Variants in GPR162 observed in about 807,000 individuals in gnomAD.
GPR162 encodes probable G protein-coupled receptor 162.
A neutral mutation model predicts 44.9 loss-of-function variants in GPR162; 26 were observed. The observed-to-expected ratio is 0.58, with a 90% CI of 0.42 to 0.80. The LOEUF is 0.80. Among genes scored for constraint, GPR162 ranks in the 30% least tolerant of loss-of-function variants. GPR162 has a pLI of 0.00. For synonymous variants in GPR162, 363 were observed against 335.2 expected (o/e 1.08, Z -0.91); for missense variants, 704 against 802.3 (o/e 0.88, Z 1.48).
rs1943328761 is a variant in GPR162 at position 6,824,671 on chromosome 12, A to G, written c.773A>G (p.Asp258Gly). Residue 258 changes from aspartate (D) to glycine (G), a missense_variant, in exon 2 of 5, where the codon GAT becomes GGT. Physicochemically the swap from Asp to Gly is moderately conservative, Grantham distance 94 (BLOSUM62 -1). This residue lies in a region of GPR162 where 92 missense variants were observed against 156.5 expected (regional missense o/e 0.59). Transcript: ENST00000311268. ...DARGKRRSSLDGSESAKTSLQ... is the reference protein window; with the variant it reads ...DARGKRRSSLGGSESAKTSLQ... The stretch of plus-strand genomic sequence containing the variant: ...CGAGGGAAGCGGCGGTCCTCGCTGG[A>G]TGGCTCGGAGTCTGCCAAGACATCC... 6.2e-7 allele frequency: 1 copy of G among 1,614,034 alleles called. No homozygotes were observed. Among genetic ancestry groups the G allele is most frequent in the Non-Finnish European group, 8.5e-7 (1 of 1,179,986 alleles).
chr12:6,826,146 C>A, intron 3 of GPR162, 50 bp from the exon 4 acceptor site: 1 of 1,483,948 alleles, frequency 6.7e-7, no homozygotes, highest in Non-Finnish European at 9.3e-7. Flanking sequence ...GGTGGGAGGC[C>A]GCGGTAGGCA....
Position 6,823,885 on chromosome 12 carries a change from G to A in GPR162, c.-14G>A, listed in dbSNP as rs1555119548. 1 of 1,575,106 alleles carries A rather than the reference G, an allele frequency of 6.3e-7. No individual in the cohort carries two copies. Among genetic ancestry groups the A allele is most frequent in the Non-Finnish European group, 8.6e-7 (1 of 1,157,112 alleles). On this transcript the variant is annotated 5_prime_UTR_variant, in exon 2 of 5. Transcript: ENST00000311268. ...CCCCCACAGAGCTCAAGGGGGTGGG[G>A]GGCTGAGGATAGGATGGCTCGGGGC...
Position 6,824,051 on chromosome 12 carries a change from G to A in GPR162, c.153G>A (p.Leu51=). The change falls in exon 2 of 5, where the codon CTG becomes CTA. Residue 51 remains leucine, a synonymous_variant. Transcript: ENST00000311268. ...KQQKHKPLEL[L]LCFLAGTHIL... ...AGAAGCACAAGCCACTGGAGCTGCT[G>A]CTCTGCTTCCTAGCGGGCACACACA... is the stretch of plus-strand genomic sequence containing the variant. 6.2e-7 allele frequency: 1 copy of A among 1,613,108 alleles called. No individual in the cohort carries two copies. Among genetic ancestry groups the A allele is most frequent in the Non-Finnish European group, 8.5e-7 (1 of 1,179,830 alleles).
chr12:6,825,414 A>G, intron 2 of GPR162, 70 bp from the exon 3 acceptor site: 1 of 915,874 alleles, frequency 1.1e-6, no homozygotes. Context: ...CACCAGCTGC[A>G]CTAGGATATG....
At chr12:6,826,480 G>C in intron 4 of GPR162, 127 bp downstream of exon 4, 1 of 1,119,248 alleles carries the variant, frequency 8.9e-7, no homozygotes, top group Non-Finnish European at 1.3e-6. Flanking sequence ...CTGGGTGAAA[G>C]AAAGCTATAG....
In GPR162 at chr12:6,822,010, C is replaced by A. The variant is rs1283232982; in HGVS notation, c.-432+110C>A. On this transcript the variant is annotated intron_variant, in intron 1 of 4. Coordinates refer to ENST00000311268, the MANE Select transcript of GPR162 (RefSeq NM_019858.2). The surrounding 1 kb of genome is among the most constrained non-coding windows in gnomAD (Gnocchi z 4.2). ...CTCCCCAGCCACCTGCTGTTTCTGC[C>A]CTGGAGAACCTGGAGGGGGACAGGA... 6.6e-6 allele frequency: 1 copy of A among 152,530 alleles called. No homozygotes were observed. Among genetic ancestry groups the A allele is most frequent in the Non-Finnish European group, 1.5e-5 (1 of 68,250 alleles). The allele number at this position is 152,530 out of a possible 1,614,324, so 9.4% of individuals were successfully genotyped here. A position where few individuals can be genotyped will look rare whatever the true frequency, so the allele number is the denominator to read the frequency against.
intron 3 of GPR162, among the ~76,000 whole-genome samples, chr12:6,825,979 G>C (rs1943349124): frequency 6.6e-6 from 1 of 152,138 alleles, no homozygotes; most frequent in Non-Finnish European, 1.5e-5. Flanking sequence ...TCTTGGGGGA[G>C]TGCAGGCAAT....
rs138578985 is a variant in GPR162, at chr12:6,826,830, G to C, written c.1393G>C (p.Glu465Gln). The C allele has an allele frequency of 1.2e-6, 2 of 1,605,128 alleles. No individual in the cohort carries two copies. The highest frequency in any genetic ancestry group is 1.3e-5 in the African/African-American group (1 of 74,288). The change falls in exon 5 of 5, where the codon GAG (glutamate) becomes CAG (glutamine). Residue 465 changes from glutamate (E) to glutamine (Q), a missense_variant. Physicochemically the swap from Glu to Gln is conservative, Grantham distance 29. Coordinates refer to ENST00000311268, the MANE Select transcript of GPR162 (RefSeq NM_019858.2). ...YLGQRHRLEDEEDEEEAEGGG... is the reference protein window; with the variant it reads ...YLGQRHRLEDQEDEEEAEGGG... ...GGGACAAAGACACAGGTTGGAGGAC[G>C]AGGAGGACGAGGAAGAGGCTGAAGG...
In GPR162 at chr12:6,826,812, A is replaced by G. The variant is rs11612427; in HGVS notation, c.1375A>G (p.Arg459Gly). 0.27 allele frequency: 427,440 copies of G among 1,609,440 alleles called. 63,658 individuals carry two copies. The highest frequency in any genetic ancestry group is 0.31 in the Non-Finnish European group (359,229 of 1,177,612). Reference sequence around the variant, plus strand: ...GGGTCCTCCTGAGTACCTGGGACAAAGACACAGGTTGGAGGACGAGGAGGA... The same window carrying G: ...GGGTCCTCCTGAGTACCTGGGACAAGGACACAGGTTGGAGGACGAGGAGGA... ...LGGPPEYLGQ[R>G]HRLEDEEDEE... The change falls in exon 5 of 5, where the codon AGA becomes GGA. Residue 459 changes from arginine (R) to glycine (G), a missense_variant. By Grantham distance (125) the Arg-to-Gly change is moderately radical (BLOSUM62 -2). Transcript: ENST00000311268.
rs1943309249 is a variant in GPR162 at position 6,823,474 on chromosome 12, C to T, written c.-425C>T. On this transcript the variant is annotated 5_prime_UTR_variant, in exon 2 of 5. Coordinates refer to ENST00000311268, the MANE Select transcript of GPR162 (RefSeq NM_019858.2). ...TCTCATCTTTCCCTTGCAGCCTGTCCAGGGGGCTGAGCCCCACCCCCAAAT... is the reference window on the plus strand; with the variant it reads ...TCTCATCTTTCCCTTGCAGCCTGTCTAGGGGGCTGAGCCCCACCCCCAAAT... The T allele has an allele frequency of 4.5e-6, 2 of 449,406 alleles. No individual in the cohort carries two copies. Among genetic ancestry groups the T allele is most frequent in the East Asian group, 6.9e-5 (2 of 28,928 alleles). The allele number at this position is 449,406 out of a possible 1,614,324, so 27.8% of individuals were successfully genotyped here. A position where few individuals can be genotyped will look rare whatever the true frequency, so the allele number is the denominator to read the frequency against.
Position 6,824,163 on chromosome 12 carries a change from A to G in GPR162, c.265A>G (p.Ile89Val). 1 of 1,613,952 alleles carries G rather than the reference A, an allele frequency of 6.2e-7. No homozygotes were observed. Among genetic ancestry groups the G allele is most frequent in the Non-Finnish European group, 8.5e-7 (1 of 1,179,996 alleles). Residue 89 changes from isoleucine (I) to valine (V), a missense_variant, in exon 2 of 5, where the codon ATC becomes GTC. Physicochemically the swap from Ile to Val is conservative, Grantham distance 29. Transcript: ENST00000311268. ...CTCCGACTATGACTGGAACGAGAGT[A>G]TCTGCAAGGTCTTCGTGTCCACCTA... ...ASSDYDWNES[I>V]CKVFVSTYYT...
At chr12:6,826,614 C>T in intron 4 of GPR162, 39 bp from the exon 5 acceptor site, 1 of 1,493,154 alleles carries the variant, frequency 6.7e-7, no homozygotes, top group Non-Finnish European at 9.0e-7. Context: ...TGCCTCTGTC[C>T]CTGCAGCACC....
chr12:6,825,047 C>G (rs1943335481), intron 2 of GPR162: 2 of 636,036 alleles, frequency 3.1e-6, no homozygotes, highest in Non-Finnish European at 5.8e-6. Context: ...TGTCCTCCAG[C>G]TCCGTCATCC....
Position 6,827,301 on chromosome 12 carries a change from A to C in GPR162, c.*97A>C. On this transcript the variant is annotated 3_prime_UTR_variant, in exon 5 of 5. Transcript: ENST00000311268. Reference sequence around the variant, plus strand: ...GCAGCTGCCTCCAGACTCTGGGGAGACGGGCGCTAGATTTGGGGCTCAGAA... The same window carrying C: ...GCAGCTGCCTCCAGACTCTGGGGAGCCGGGCGCTAGATTTGGGGCTCAGAA... 1 of 1,032,842 alleles carries C rather than the reference A, an allele frequency of 9.7e-7. No homozygotes were observed. The highest frequency in any genetic ancestry group is 1.6e-5 in the African/African-American group (1 of 61,942). The allele number at this position is 1,032,842 out of a possible 1,614,324, so 64.0% of individuals were successfully genotyped here.
Position 6,827,016 on chromosome 12 carries a change from C to T in GPR162, c.1579C>T (p.Arg527Trp), listed in dbSNP as rs782038710. 39 of 1,613,312 alleles carry T rather than the reference C, an allele frequency of 2.4e-5. No individual in the cohort carries two copies. In the East Asian group the frequency reaches 2.9e-4, roughly 12 times the overall value. Residue 527 changes from arginine (R) to tryptophan (W), a missense_variant, in exon 5 of 5, where the codon CGG becomes TGG. By Grantham distance (101) the Arg-to-Trp change is moderately radical. This residue lies in a region of GPR162 where 404 missense variants were observed against 314.1 expected (regional missense o/e 1.29). Coordinates refer to ENST00000311268, the MANE Select transcript of GPR162 (RefSeq NM_019858.2). ...TGCCTCACCAGGGCACTCTCCTCGT[C>T]GGCCCCGGCCACTGGGCCTCTCACC... The part of the protein sequence containing the change: ...PTASPGHSPR[R>W]PRPLGLSPRR...
chr12:6,827,125 C>T lies in GPR162; in HGVS notation c.1688C>T (p.Thr563Met), dbSNP rs371430068. The change falls in exon 5 of 5, where the codon ACG becomes ATG. Residue 563 changes from threonine to methionine, a missense_variant. By Grantham distance (81) the Thr-to-Met change is moderately conservative. Transcript: ENST00000311268. ...GLSAGRRCSL[T>M]GGEESARAWG... The stretch of plus-strand genomic sequence containing the variant: ...AGCGCAGGGAGACGCTGCTCCCTGA[C>T]GGGGGGTGAAGAAAGTGCAAGGGCT... 85 of 1,613,180 alleles carry T rather than the reference C, an allele frequency of 5.3e-5. No individual in the cohort carries two copies. The Middle Eastern group carries it at 6.6e-4, about 13-fold the overall frequency.
rs1943298523 is a variant in GPR162, at chr12:6,822,636, G to A, written c.-432+736G>A. Among the ~76,000 whole-genome samples the A allele has an allele frequency of 6.6e-6, 1 of 152,124 alleles. No homozygotes were observed. Among genetic ancestry groups the A allele is most frequent in the Admixed American group, 6.5e-5 (1 of 15,278 alleles). ...GAAACTGAGGCTCTGGGCCAGGGAGGAAGAGTCAAGGTCTCCCCACGGGGA... is the reference window on the plus strand; with the variant it reads ...GAAACTGAGGCTCTGGGCCAGGGAGAAAGAGTCAAGGTCTCCCCACGGGGA... On this transcript the variant is annotated intron_variant, in intron 1 of 4. Coordinates refer to ENST00000311268, the MANE Select transcript of GPR162 (RefSeq NM_019858.2). The surrounding 1 kb of genome is among the most constrained non-coding windows in gnomAD (Gnocchi z 4.2).
In GPR162 at chr12:6,827,343, AT is replaced by A; in HGVS notation, c.*140del. 1.5e-6 allele frequency: 1 copy of A among 661,444 alleles called. No individual in the cohort carries two copies. The allele number at this position is 661,444 out of a possible 1,614,324, so 41.0% of individuals were successfully genotyped here. A position where few individuals can be genotyped will look rare whatever the true frequency, so the allele number is the denominator to read the frequency against. On this transcript the variant is annotated 3_prime_UTR_variant, in exon 5 of 5. Transcript: ENST00000311268. ...GGCTCAGAAGGCCCTGCTCTCTCCC[AT>A]CCAAGTGACCAGATGCCCTACTCAG...
chr12:6,825,092 C>T (rs991929992), intron 2 of GPR162: 1 of 566,544 alleles, frequency 1.8e-6, no homozygotes. Flanking sequence ...GCAGACCTCT[C>T]ATCCAGCCGC....
Sources: gnomAD v4.1 joint callset for allele counts (sites outside exome capture counted in the v4.1 genomes callset) on GRCh38, gnomAD v4.1.1 for gene constraint, gnomAD v4.1.1 regional missense constraint, Gnocchi (gnomAD v3.1) non-coding constraint, MANE v1.5 for transcripts, NCBI Gene and HGNC (gene_info 2026-07-23, HGNC 2026-07-21) for gene names.